The following CDH4 variants were observed in gnomAD, a reference collection of about 807,000 sequenced individuals.
CDH4 encodes the protein cadherin-4.
Under a neutral mutation model 86.0 loss-of-function variants are expected in CDH4, and 33 were observed. The ratio of observed to expected loss-of-function variants is 0.38; its 90% CI spans 0.29 to 0.51. CDH4 has a LOEUF of 0.51. Ranked by LOEUF, CDH4 falls within the 20% of genes least tolerant of loss-of-function variation. The pLI is 0.86. For synonymous variants in CDH4, 555 were observed against 549.4 expected, an observed-to-expected ratio of 1.01 and a Z score of -0.14; for missense variants, 1,114 against 1,307.4, an observed-to-expected ratio of 0.85 and a Z score of 2.28.
In CDH4 at chr20:61,601,521, C is replaced by T. The variant is rs1006230906; in HGVS notation, c.170-142042C>T. Among the ~76,000 whole-genome samples the T allele has an allele frequency of 1.8e-4, 27 of 152,226 alleles. 1 individual carries two copies. Among genetic ancestry groups the T allele is most frequent in the Admixed American group, 1.6e-3 (25 of 15,288 alleles). Reference sequence around the variant, plus strand: ...ACACTGCGGTGCTCCTCGTCAGCCCCGGCCTAACCCTCGGCCCTGCTCTTC... The same window carrying T: ...ACACTGCGGTGCTCCTCGTCAGCCCTGGCCTAACCCTCGGCCCTGCTCTTC... On this transcript the variant is annotated intron_variant, in intron 2 of 15. Transcript: ENST00000614565.
chr20:61,531,965 C>T (rs1017185177), intron 2 of CDH4, among the ~76,000 whole-genome samples: 19 of 152,230 alleles, frequency 1.2e-4, no homozygotes, highest in Admixed American at 9.2e-4. Flanking sequence ...AGTGAGGAAA[C>T]GAGGTGGCTT....
intron 2 of CDH4, chr20:61,436,732 C>G (rs970820621): frequency 6.6e-6 from 1 of 152,308 alleles, no homozygotes; most frequent in African/African-American, 2.4e-5. Context: ...CCCCCCCACC[C>G]CCATCTGGAG....
At chr20:61,437,840 G>C (rs1371316520) in intron 2 of CDH4, among the ~76,000 whole-genome samples, 1 of 152,142 alleles carries the variant, frequency 6.6e-6, no homozygotes, top group Non-Finnish European at 1.5e-5. Context: ...CTCCAGATGT[G>C]CCCCTGGAAA....
chr20:61,774,377 G>A (rs13038571), intron 4 of CDH4, among the ~76,000 whole-genome samples: 74,701 of 152,150 alleles, frequency 0.49, 18,858 homozygotes, highest in East Asian at 0.71. Flanking sequence ...CGCCCACCAC[G>A]GATGCTAGAG....
intron 2 of CDH4, among the ~76,000 whole-genome samples, chr20:61,700,756 A>G (rs372772987): frequency 1.3e-5 from 2 of 152,010 alleles, no homozygotes; most frequent in East Asian, 1.9e-4. Flanking sequence ...TGTCTTCTTC[A>G]TGTCTTCTTC....
chr20:61,920,164 T>TCGC (rs2054958874), intron 9 of CDH4, among the ~76,000 whole-genome samples: 1 of 107,262 alleles, frequency 9.3e-6, no homozygotes, highest in African/African-American at 3.6e-5. Flanking sequence ...CATGGAAGCA[T>TCGC]GGCGTCACAG....
At chr20:61,453,050 A>C (rs1409541393) in intron 2 of CDH4, among the ~76,000 whole-genome samples, 2 of 152,250 alleles carry the variant, frequency 1.3e-5, no homozygotes, top group East Asian at 3.9e-4. Context: ...TTAAGAAGCA[A>C]ATAAAGAAAT....
chr20:61,526,028 C>T (rs750656862), intron 2 of CDH4, among the ~76,000 whole-genome samples: 2 of 152,166 alleles, frequency 1.3e-5, no homozygotes, highest in African/African-American at 2.4e-5. Flanking sequence ...TTCCAAGAAA[C>T]GAGTTATCTT....
chr20:61,360,797 A>G (rs531070980), intron 2 of CDH4, among the ~76,000 whole-genome samples: 12 of 152,332 alleles, frequency 7.9e-5, no homozygotes, highest in African/African-American at 2.9e-4. Context: ...GATCAGAGGC[A>G]TACGAACTCA....
intron 2 of CDH4, among the ~76,000 whole-genome samples, chr20:61,606,796 C>G (rs2086649175): frequency 6.6e-6 from 1 of 152,216 alleles, no homozygotes; most frequent in Non-Finnish European, 1.5e-5. Flanking sequence ...TTCTAATTTG[C>G]CTGAGGTTAA....
intron 7 of CDH4, among the ~76,000 whole-genome samples, chr20:61,886,787 G>A (rs980677310): frequency 5.9e-5 from 9 of 152,158 alleles, no homozygotes; most frequent in South Asian, 2.1e-4. Flanking sequence ...GGAGGGCGCC[G>A]TGCCCCTGTG....
At chr20:61,736,545 G>C (rs1349233598) in intron 2 of CDH4, among the ~76,000 whole-genome samples, 3 of 152,080 alleles carry the variant, frequency 2.0e-5, no homozygotes, top group African/African-American at 7.2e-5. Context: ...CTCTGTGTCT[G>C]GTGTCTGCTG....
At chr20:61,680,755 C>T (rs187741793) in intron 2 of CDH4, among the ~76,000 whole-genome samples, 13 of 152,264 alleles carry the variant, frequency 8.5e-5, no homozygotes, top group African/African-American at 2.4e-4. Flanking sequence ...TAGAGAATTC[C>T]GTCTCCCCGG....
intron 6 of CDH4, among the ~76,000 whole-genome samples, chr20:61,853,418 A>C (rs1015769318): frequency 2.0e-5 from 3 of 151,604 alleles, no homozygotes; most frequent in African/African-American, 7.3e-5. Context: ...AGAGGCCCGG[A>C]CTCCCCCCAC....
At chr20:61,570,557 G>A (rs757180615) in intron 2 of CDH4, 14 of 654,144 alleles carry the variant, frequency 2.1e-5, no homozygotes, top group African/African-American at 3.7e-5. Context: ...ACATCCAAGC[G>A]TTGACTTTTG....
intron 9 of CDH4, among the ~76,000 whole-genome samples, chr20:61,921,299 G>A (rs961718297): frequency 2.6e-5 from 4 of 152,256 alleles, no homozygotes; most frequent in African/African-American, 9.6e-5. Flanking sequence ...TGGAAGCGTG[G>A]TGTCATGGTG....
At chr20:61,777,052 C>T (rs1459314086) in intron 4 of CDH4, among the ~76,000 whole-genome samples, 2 of 152,208 alleles carry the variant, frequency 1.3e-5, no homozygotes, top group Non-Finnish European at 2.9e-5. Flanking sequence ...AGATGTAATT[C>T]GCCAACCAGA....
chr20:61,466,683 A>C (rs1004793753), intron 2 of CDH4, among the ~76,000 whole-genome samples: 4 of 151,940 alleles, frequency 2.6e-5, no homozygotes, highest in African/African-American at 9.7e-5. Context: ...GCCCCTACCT[A>C]TACAAAAGTA....
intron 6 of CDH4, among the ~76,000 whole-genome samples, chr20:61,869,182 T>C (rs1983686844): frequency 6.6e-6 from 1 of 152,266 alleles, no homozygotes; most frequent in South Asian, 2.1e-4. Context: ...GAACTAGAAG[T>C]TGGCAACCCT....
Sources: gnomAD v4.1 joint callset for allele counts (sites outside exome capture counted in the v4.1 genomes callset) on GRCh38, gnomAD v4.1.1 for gene constraint, MANE v1.5 for transcripts, NCBI Gene and HGNC (gene_info 2026-07-23, HGNC 2026-07-21) for gene names.